Variants in TMEM87A observed in about 807,000 individuals in gnomAD.
The protein encoded by TMEM87A is Golgi-pH regulating cation channel.
Under a neutral mutation model 90.0 loss-of-function variants are expected in TMEM87A, and 50 were observed. The ratio of observed to expected loss-of-function variants is 0.56; its 90% CI spans 0.44 to 0.70. The LOEUF is 0.70. TMEM87A is among the 30% of genes least tolerant of loss of function. TMEM87A has a pLI of 0.00. For missense variants in TMEM87A, 577 were observed against 660.5 expected (o/e 0.87, Z 1.39); for synonymous variants, 226 against 226.7 (o/e 1.00, Z 0.03).
At chr15:42,233,447 A>G (rs1054304132) in intron 10 of TMEM87A, 141 bp from the exon 11 acceptor site, 57 of 611,050 alleles carry the variant, frequency 9.3e-5, no homozygotes, top group Non-Finnish European at 1.4e-4. Context: ...TAAGAGAAAA[A>G]AACTAAGACC....
In TMEM87A at chr15:42,227,735, C is replaced by T. The variant is rs765167855; in HGVS notation, c.1275G>A (p.Lys425=). The change falls in exon 14 of 20, where the codon AAG becomes AAA. Residue 425 remains lysine, a synonymous_variant. Transcript: ENST00000389834. ...CCGACTGACATGTCACTATTCTGAA[C>T]TTCATGGTTGTCCAGATGATAAACA... ...SIVFIIWTTM[K]FRIVTCQSDW... The T allele has an allele frequency of 1.2e-6, 2 of 1,613,962 alleles. No individual in the cohort carries two copies. The highest frequency in any genetic ancestry group is 1.7e-6 in the Non-Finnish European group (2 of 1,179,930).
chr15:42,245,179 GA>G (rs1454116500), intron 6 of TMEM87A, among the ~76,000 whole-genome samples: 9 of 152,060 alleles, frequency 5.9e-5, no homozygotes, highest in Non-Finnish European at 1.2e-4. Flanking sequence ...ATCATACATT[GA>G]TTTATCTCCA....
At chr15:42,273,437 C>T (rs1254008376), upstream of TMEM87A, 2 of 1,611,568 alleles carry the variant, frequency 1.2e-6, no homozygotes, top group Non-Finnish European at 8.5e-7. Context: ...GCATTTCACC[C>T]TCTTCCGGTT....
At chr15:42,218,270 A>C (rs2050414604) in intron 18 of TMEM87A, 53 bp downstream of exon 18, 1 of 1,555,794 alleles carries the variant, frequency 6.4e-7, no homozygotes, top group African/African-American at 1.4e-5. Context: ...AATAATAACA[A>C]AGTAGTACTA....
intron 7 of TMEM87A, among the ~76,000 whole-genome samples, chr15:42,243,674 C>T (rs1305441393): frequency 2.0e-5 from 3 of 151,860 alleles, no homozygotes; most frequent in Non-Finnish European, 4.4e-5. Context: ...CATGTGCCAC[C>T]ACACCGAGCT....
intron 6 of TMEM87A, among the ~76,000 whole-genome samples, chr15:42,256,955 C>T (rs1041812725): frequency 1.3e-5 from 2 of 152,106 alleles, no homozygotes; most frequent in Non-Finnish European, 2.9e-5. Flanking sequence ...TAAGCTCTAG[C>T]GATCTGCCTG....
At chr15:42,263,084 C>T (rs2051328935) in intron 4 of TMEM87A, among the ~76,000 whole-genome samples, 1 of 152,074 alleles carries the variant, frequency 6.6e-6, no homozygotes, top group Non-Finnish European at 1.5e-5. Context: ...ATTTTAAAAA[C>T]CCTGATTTTT....
intron 8 of TMEM87A, among the ~76,000 whole-genome samples, chr15:42,239,366 A>T (rs2050831036): frequency 6.6e-6 from 1 of 152,186 alleles, no homozygotes; most frequent in Admixed American, 6.5e-5. Flanking sequence ...AAGTGGGATC[A>T]GAAACAATAG....
chr15:42,244,234 T>C, intron 6 of TMEM87A, 67 bp from the exon 7 acceptor site: 2 of 1,143,968 alleles, frequency 1.7e-6, no homozygotes, highest in Non-Finnish European at 1.2e-6. Context: ...AATAATACAA[T>C]ATGCAAATTT....
chr15:42,271,436 A>C (rs974662360), intron 2 of TMEM87A: 1 of 152,254 alleles, frequency 6.6e-6, no homozygotes, highest in Non-Finnish European at 1.5e-5. Flanking sequence ...ACATAATCAC[A>C]GTCATTCACT....
In TMEM87A at chr15:42,236,399, C is replaced by T; in HGVS notation, c.889G>A (p.Ala297Thr). 6.2e-7 allele frequency: 1 copy of T among 1,614,066 alleles called. No individual in the cohort carries two copies. Among genetic ancestry groups the T allele is most frequent in the Non-Finnish European group, 8.5e-7 (1 of 1,179,960 alleles). The change falls in exon 10 of 20, where the codon GCA (alanine) becomes ACA (threonine). Residue 297 changes from alanine to threonine, a missense_variant. Ala to Thr is a moderately conservative substitution (Grantham distance 58). Coordinates refer to ENST00000389834, the MANE Select transcript of TMEM87A (RefSeq NM_015497.5). ...GESVQGALILAELLSAVKRSL... is the reference protein window; with the variant it reads ...GESVQGALILTELLSAVKRSL... ...CGTTTCACTGCTGAAAGCAGCTCTG[C>T]AAGGATCAAAGCACCCTGGACTATG...
intron 6 of TMEM87A, among the ~76,000 whole-genome samples, chr15:42,255,279 A>G (rs1481642070): frequency 6.6e-6 from 1 of 152,018 alleles, no homozygotes; most frequent in East Asian, 1.9e-4. Flanking sequence ...GATTACAGGC[A>G]TGTGCCACCA....
intron 10 of TMEM87A, among the ~76,000 whole-genome samples, chr15:42,235,274 G>C (rs192999195): frequency 1.7e-3 from 261 of 152,310 alleles, no homozygotes; most frequent in Admixed American, 2.9e-3. Flanking sequence ...CCTGACCTCA[G>C]GCAATCTGCC....
At chr15:42,271,853 T>C (rs2051534828) in intron 2 of TMEM87A, among the ~76,000 whole-genome samples, 1 of 151,310 alleles carries the variant, frequency 6.6e-6, no homozygotes, top group Admixed American at 6.6e-5. Context: ...ATATATGCAA[T>C]GTAAACACCA....
At chr15:42,269,107 A>C (rs1361432888) in intron 2 of TMEM87A, among the ~76,000 whole-genome samples, 1 of 152,220 alleles carries the variant, frequency 6.6e-6, no homozygotes, top group Non-Finnish European at 1.5e-5. Context: ...TTTGGAACAC[A>C]GTATTCTAAT....
intron 3 of TMEM87A, among the ~76,000 whole-genome samples, chr15:42,267,490 C>G (rs191750065): frequency 6.6e-6 from 1 of 152,036 alleles, no homozygotes; most frequent in Admixed American, 6.6e-5. Flanking sequence ...TGTACTTAAG[C>G]CAAATTATTG....
At chr15:42,249,666 A>C (rs1265257078) in intron 6 of TMEM87A, among the ~76,000 whole-genome samples, 1 of 152,040 alleles carries the variant, frequency 6.6e-6, no homozygotes, top group Non-Finnish European at 1.5e-5. Context: ...CTTCTTTTAC[A>C]TTTGTTGATG....
intron 2 of TMEM87A, among the ~76,000 whole-genome samples, chr15:42,270,473 G>A (rs1441022505): frequency 6.7e-6 from 1 of 150,366 alleles, no homozygotes; most frequent in East Asian, 1.9e-4. Flanking sequence ...ACTCATGCCT[G>A]TAATCCCAGC....
At chr15:42,221,120 C>T (rs1376372028) in intron 15 of TMEM87A, among the ~76,000 whole-genome samples, 2 of 152,058 alleles carry the variant, frequency 1.3e-5, no homozygotes, top group South Asian at 2.1e-4. Flanking sequence ...TGTGAGCCAC[C>T]GCGCCTGGCC....
Sources: gnomAD v4.1 joint callset for allele counts (sites outside exome capture counted in the v4.1 genomes callset) on GRCh38, gnomAD v4.1.1 for gene constraint, MANE v1.5 for transcripts, NCBI Gene and HGNC (gene_info 2026-07-23, HGNC 2026-07-21) for gene names.